Variants in PCED1B observed in about 807,000 individuals in gnomAD.
PCED1B encodes the protein PC-esterase domain containing 1B.
For missense variants in PCED1B, 573 were observed against 573.9 expected, an observed-to-expected ratio of 1.00 and a Z score of 0.02; for synonymous variants, 251 against 246.1, an observed-to-expected ratio of 1.02 and a Z score of -0.19.
intron 1 of PCED1B, among the ~76,000 whole-genome samples, chr12:47,088,980 AGT>A (rs1315937508): frequency 1.3e-5 from 2 of 152,204 alleles, no homozygotes; most frequent in African/African-American, 4.8e-5. Context: ...GCATTGCCAC[AGT>A]GAACATTAAT....
intron 3 of PCED1B, among the ~76,000 whole-genome samples, chr12:47,232,551 C>A (rs1427257488): frequency 6.6e-6 from 1 of 152,144 alleles, no homozygotes; most frequent in Non-Finnish European, 1.5e-5. Context: ...TAAAATCTTA[C>A]AAATTTCAAG....
chr12:47,218,845 A>G (rs777859419), intron 3 of PCED1B, among the ~76,000 whole-genome samples: 15 of 151,722 alleles, frequency 9.9e-5, no homozygotes, highest in Non-Finnish European at 1.6e-4. Flanking sequence ...AATGTTTTCC[A>G]TAGATCGGCC....
chr12:47,172,340 C>CTTTTTTTTTTTTTTTTTTTT (rs34230051), intron 2 of PCED1B, among the ~76,000 whole-genome samples: 5 of 78,334 alleles, frequency 6.4e-5, no homozygotes, highest in African/African-American at 9.6e-5. Context: ...TCGTGGGTTG[C>CTTTTTTTTTTTTTTTTTTTT]TTTTTTTTTT....
chr12:47,110,039 T>C (rs995868340), intron 2 of PCED1B, among the ~76,000 whole-genome samples: 2 of 152,188 alleles, frequency 1.3e-5, no homozygotes, highest in African/African-American at 4.8e-5. Context: ...CACACAGCAA[T>C]GGAGTTTAGA....
intron 2 of PCED1B, among the ~76,000 whole-genome samples, chr12:47,171,789 TTTCTTC>T (rs143235503): frequency 3.0e-4 from 45 of 151,558 alleles, no homozygotes; most frequent in Non-Finnish European, 5.7e-4. Context: ...CAGTCTAACG[TTTCTTC>T]TTCTTCTTCT....
At chr12:47,196,307 G>A (rs545663193) in intron 2 of PCED1B, among the ~76,000 whole-genome samples, 1 of 152,310 alleles carries the variant, frequency 6.6e-6, no homozygotes, top group South Asian at 2.1e-4. Context: ...CTTACTAGAT[G>A]TGCCTACCAG....
chr12:47,168,522 T>A (rs1013056927), intron 2 of PCED1B, among the ~76,000 whole-genome samples: 4 of 152,160 alleles, frequency 2.6e-5, no homozygotes, highest in Non-Finnish European at 4.4e-5. Context: ...TTGTTCATTA[T>A]TTTCCTTCTT....
intron 2 of PCED1B, among the ~76,000 whole-genome samples, chr12:47,110,802 T>A (rs976650181): frequency 1.3e-5 from 2 of 152,206 alleles, no homozygotes; most frequent in African/African-American, 4.8e-5. Flanking sequence ...TGATTATTGA[T>A]CAGGTTCTTC....
At chr12:47,146,127 A>T (rs946140487) in intron 2 of PCED1B, among the ~76,000 whole-genome samples, 1 of 152,214 alleles carries the variant, frequency 6.6e-6, no homozygotes, top group African/African-American at 2.4e-5. Flanking sequence ...AGGATTCAGG[A>T]CTTCAGTGGA....
At chr12:47,109,575 A>G (rs974261235) in intron 2 of PCED1B, among the ~76,000 whole-genome samples, 2 of 152,162 alleles carry the variant, frequency 1.3e-5, no homozygotes, top group African/African-American at 2.4e-5. Flanking sequence ...AAAAAATGTA[A>G]TGGTTGTTTC....
intron 1 of PCED1B, among the ~76,000 whole-genome samples, chr12:47,091,345 CTT>C (rs1938257315): frequency 6.6e-6 from 1 of 152,074 alleles, no homozygotes; most frequent in African/African-American, 2.4e-5. Flanking sequence ...TTTTATGAGA[CTT>C]TTGCCCATTA....
chr12:47,224,253 A>G (rs1943569129), intron 3 of PCED1B, among the ~76,000 whole-genome samples: 1 of 152,246 alleles, frequency 6.6e-6, no homozygotes. Context: ...ACTGGAATTA[A>G]TGGTCCATAG....
At chr12:47,203,041 C>T (rs1942814102) in intron 2 of PCED1B, among the ~76,000 whole-genome samples, 1 of 150,778 alleles carries the variant, frequency 6.6e-6, no homozygotes, top group Non-Finnish European at 1.5e-5. Context: ...ATGATCTCAG[C>T]TCACTGCAAC....
chr12:47,106,799 T>G (rs556485711), intron 2 of PCED1B, among the ~76,000 whole-genome samples: 21 of 152,344 alleles, frequency 1.4e-4, no homozygotes, highest in African/African-American at 5.1e-4. Context: ...TTTTTTTTTC[T>G]TTGTCAGTCT....
chr12:47,197,897 A>G (rs1480701445), intron 2 of PCED1B, among the ~76,000 whole-genome samples: 1 of 152,200 alleles, frequency 6.6e-6, no homozygotes, highest in East Asian at 1.9e-4. Flanking sequence ...TTTAACTGAT[A>G]ATTAATAACC....
At chr12:47,223,685 C>G (rs1451096972) in intron 3 of PCED1B, 1 of 152,214 alleles carries the variant, frequency 6.6e-6, no homozygotes, top group African/African-American at 2.4e-5. Context: ...ACCTCTCTGC[C>G]TTTGCAGGAG....
chr12:47,216,633 G>C lies in PCED1B; in HGVS notation c.-114G>C, dbSNP rs1302282206. 6.6e-6 allele frequency: 1 copy of C among 152,170 alleles called. No individual in the cohort carries two copies. The highest frequency in any genetic ancestry group is 1.5e-5 in the Non-Finnish European group (1 of 68,040). The allele number at this position is 152,170 out of a possible 1,614,324, so 9.4% of individuals were successfully genotyped here. On this transcript the variant is annotated 5_prime_UTR_variant, in exon 3 of 4. Coordinates refer to ENST00000546455, the MANE Select transcript of PCED1B (RefSeq NM_138371.3). Reference sequence around the variant, plus strand: ...CAGGAGAGGAAGAAAGCTATCTAGGGACGAGATCTAGAATCAACTGAGAGA... The same window carrying C: ...CAGGAGAGGAAGAAAGCTATCTAGGCACGAGATCTAGAATCAACTGAGAGA...
At chr12:47,172,241 C>T (rs1246062035) in intron 2 of PCED1B, among the ~76,000 whole-genome samples, 2 of 150,726 alleles carry the variant, frequency 1.3e-5, no homozygotes, top group African/African-American at 4.9e-5. Flanking sequence ...TTTTGAGATA[C>T]TTCTTCCAAT....
intron 2 of PCED1B, among the ~76,000 whole-genome samples, chr12:47,200,425 T>C (rs1218692909): frequency 2.6e-5 from 4 of 151,996 alleles, no homozygotes; most frequent in African/African-American, 9.7e-5. Context: ...GGTTAGAAAA[T>C]CAGAACACTG....
Sources: gnomAD v4.1 joint callset for allele counts (sites outside exome capture counted in the v4.1 genomes callset) on GRCh38, gnomAD v4.1.1 for gene constraint, MANE v1.5 for transcripts, NCBI Gene and HGNC (gene_info 2026-07-23, HGNC 2026-07-21) for gene names.